The following IMMP2L variants were observed in gnomAD, a reference collection of about 807,000 sequenced individuals.
The protein encoded by IMMP2L is mitochondrial inner membrane protease subunit 2.
Under a neutral mutation model 19.3 loss-of-function variants are expected in IMMP2L, and 18 were observed. That is an observed-to-expected ratio of 0.93 (90% CI 0.64 to 1.38). The LOEUF (loss-of-function observed/expected upper bound fraction) is 1.38, where lower values mean the gene tolerates loss of function less well. Ranked by LOEUF, IMMP2L falls within the 40% of genes most tolerant of loss-of-function variation. The pLI, the probability that IMMP2L is intolerant of heterozygous loss-of-function variation, is 0.00. For missense variants in IMMP2L, 233 were observed against 218.2 expected, an observed-to-expected ratio of 1.07 and a Z score of -0.43; for synonymous variants, 76 against 73.0, an observed-to-expected ratio of 1.04 and a Z score of -0.21.
At chr7:110,989,783 C>A (rs1454643914) in intron 3 of IMMP2L, among the ~76,000 whole-genome samples, 1 of 151,570 alleles carries the variant, frequency 6.6e-6, no homozygotes, top group Non-Finnish European at 1.5e-5. Flanking sequence ...CCTCACATAT[C>A]TGATGGGCAA....
chr7:110,736,083 C>T (rs1796618243), intron 5 of IMMP2L, among the ~76,000 whole-genome samples: 1 of 152,128 alleles, frequency 6.6e-6, no homozygotes, highest in Non-Finnish European at 1.5e-5. Flanking sequence ...TCCTCAGCTG[C>T]ACCAGCTGTG....
chr7:111,368,463 A>G (rs550999472), intron 3 of IMMP2L, among the ~76,000 whole-genome samples: 3 of 152,000 alleles, frequency 2.0e-5, no homozygotes, highest in Non-Finnish European at 4.4e-5. Context: ...ATCAATGCAC[A>G]TACCAAAGAC....
intron 3 of IMMP2L, among the ~76,000 whole-genome samples, chr7:111,051,367 C>T (rs922425753): frequency 1.4e-4 from 22 of 152,112 alleles, no homozygotes; most frequent in African/African-American, 5.1e-4. Flanking sequence ...AGGAAACTAT[C>T]CTGAGCGAAT....
At chr7:111,103,823 T>C (rs1016498091) in intron 3 of IMMP2L, among the ~76,000 whole-genome samples, 8 of 151,666 alleles carry the variant, frequency 5.3e-5, no homozygotes, top group Non-Finnish European at 8.9e-5. Context: ...ATCACTCACC[T>C]TTCAGTAGAT....
At chr7:111,558,149 A>G (rs1041235924) in intron 1 of IMMP2L, among the ~76,000 whole-genome samples, 2 of 152,212 alleles carry the variant, frequency 1.3e-5, no homozygotes, top group Non-Finnish European at 2.9e-5. Context: ...AGAGAAAAAG[A>G]TGGTTCTTTC....
intron 3 of IMMP2L, among the ~76,000 whole-genome samples, chr7:111,473,210 G>A (rs553101820): frequency 2.6e-5 from 4 of 152,210 alleles, no homozygotes; most frequent in African/African-American, 9.6e-5. Context: ...GCTATGCACA[G>A]GGTGACTATG....
chr7:110,863,571 C>A (rs1368610009), intron 5 of IMMP2L, among the ~76,000 whole-genome samples: 3 of 152,038 alleles, frequency 2.0e-5, no homozygotes, highest in Admixed American at 6.6e-5. Flanking sequence ...TATGCTATAT[C>A]AATACTCTCT....
At chr7:111,425,346 G>A (rs1835969532) in intron 3 of IMMP2L, among the ~76,000 whole-genome samples, 1 of 144,954 alleles carries the variant, frequency 6.9e-6, no homozygotes, top group Admixed American at 6.9e-5. Context: ...CACAACATAG[G>A]CATATGTTAA....
chr7:111,472,599 C>T (rs1841365819), intron 3 of IMMP2L, among the ~76,000 whole-genome samples: 1 of 151,956 alleles, frequency 6.6e-6, no homozygotes, highest in African/African-American at 2.4e-5. Context: ...TCAATATACT[C>T]CAACAACTAT....
intron 3 of IMMP2L, among the ~76,000 whole-genome samples, chr7:111,389,619 A>T (rs906899876): frequency 1.3e-5 from 2 of 151,962 alleles, no homozygotes; most frequent in African/African-American, 4.8e-5. Flanking sequence ...GAATATGATA[A>T]AGCAACTATA....
At chr7:111,168,290 T>C in intron 3 of IMMP2L, among the ~76,000 whole-genome samples, 1 of 151,892 alleles carries the variant, frequency 6.6e-6, no homozygotes, top group Non-Finnish European at 1.5e-5. Context: ...TGTTTTTTTT[T>C]TCTACAGACC....
In IMMP2L at chr7:110,760,828, A is replaced by G. The variant is rs191619129; in HGVS notation, c.409-97107T>C. 1.3e-5 allele frequency among the ~76,000 whole-genome samples: 2 copies of G among 152,208 alleles called. No individual in the cohort carries two copies. The highest frequency in any genetic ancestry group is 3.9e-4 in the East Asian group (2 of 5,164). ...CAAGTGTAGAACGCCAGATAGGATC[A>G]TCACAGTAGGCACCTCACAAAGGTC... On this transcript the variant is annotated intron_variant, in intron 5 of 5. Transcript: ENST00000405709. The surrounding 1 kb of genome is among the most constrained non-coding windows in gnomAD (Gnocchi z 4.2).
intron 3 of IMMP2L, among the ~76,000 whole-genome samples, chr7:111,421,834 T>C (rs1250385325): frequency 1.3e-5 from 2 of 151,862 alleles, no homozygotes; most frequent in African/African-American, 4.9e-5. Flanking sequence ...GGTTTCCTTC[T>C]AGGGTTTTTA....
At chr7:110,886,408 C>G (rs1242513007) in intron 5 of IMMP2L, among the ~76,000 whole-genome samples, 185 bp downstream of exon 5, 1 of 151,930 alleles carries the variant, frequency 6.6e-6, no homozygotes, top group Non-Finnish European at 1.5e-5. Flanking sequence ...ACACACATAC[C>G]TACATACACA....
At chr7:111,162,948 A>T (rs1805430016) in intron 3 of IMMP2L, among the ~76,000 whole-genome samples, 1 of 152,098 alleles carries the variant, frequency 6.6e-6, no homozygotes, top group Non-Finnish European at 1.5e-5. Flanking sequence ...CCTGCCTGAA[A>T]AAAGCTCAAC....
At chr7:111,258,003 C>A (rs1196853580) in intron 3 of IMMP2L, among the ~76,000 whole-genome samples, 1 of 151,782 alleles carries the variant, frequency 6.6e-6, no homozygotes, top group Non-Finnish European at 1.5e-5. Context: ...CATTGTTCAA[C>A]TCCACTTATG....
intron 4 of IMMP2L, among the ~76,000 whole-genome samples, chr7:110,922,933 T>C (rs950937363): frequency 6.6e-6 from 1 of 152,186 alleles, no homozygotes; most frequent in Non-Finnish European, 1.5e-5. Context: ...TTTGCCCCGC[T>C]GCATGGCACA....
intron 3 of IMMP2L, among the ~76,000 whole-genome samples, chr7:111,059,189 G>A (rs1263564936): frequency 2.6e-5 from 4 of 151,942 alleles, no homozygotes; most frequent in South Asian, 2.1e-4. Context: ...TCACTATGTT[G>A]CCCAGGCTGG....
At chr7:110,879,623 T>C (rs1362474853) in intron 5 of IMMP2L, among the ~76,000 whole-genome samples, 1 of 152,150 alleles carries the variant, frequency 6.6e-6, no homozygotes, top group Non-Finnish European at 1.5e-5. Context: ...TTCTATTTCT[T>C]GATATCTAGT....
Sources: gnomAD v4.1 joint callset for allele counts (sites outside exome capture counted in the v4.1 genomes callset) on GRCh38, gnomAD v4.1.1 for gene constraint, Gnocchi (gnomAD v3.1) non-coding constraint, MANE v1.5 for transcripts, NCBI Gene and HGNC (gene_info 2026-07-23, HGNC 2026-07-21) for gene names.